The following TXNDC8 variants were observed in gnomAD, a reference collection of about 807,000 sequenced individuals.
The protein encoded by TXNDC8 is thioredoxin domain containing 8.
TXNDC8 carries 15 observed loss-of-function variants against 12.9 expected under a neutral mutation model. The ratio of observed to expected loss-of-function variants is 1.16; its 90% CI spans 0.78 to 1.79. The LOEUF is 1.79. Ranked by LOEUF, TXNDC8 falls within the 40% of genes most tolerant of loss-of-function variation. TXNDC8 has a pLI of 0.00. For synonymous variants in TXNDC8, 40 were observed against 35.4 expected (o/e 1.13, Z -0.46); for missense variants, 128 against 113.2 (o/e 1.13, Z -0.59).
intron 3 of TXNDC8, chr9:110,323,685 TG>T (rs1161253940): frequency 1.5e-5 from 9 of 613,850 alleles, no homozygotes; most frequent in Non-Finnish European, 2.0e-5. Context: ...GAAGAATCTA[TG>T]GGGATAGTGT....
chr9:110,303,414 G>A (rs1395238653), downstream of TXNDC8: 8 of 1,285,126 alleles, frequency 6.2e-6, no homozygotes, highest in East Asian at 9.3e-5. Context: ...CAAAGCATTA[G>A]GAGAGAGACC....
chr9:110,323,638 C>T, intron 3 of TXNDC8: 1 of 358,836 alleles, frequency 2.8e-6, no homozygotes, highest in Non-Finnish European at 4.6e-6. Flanking sequence ...TTTTGGGTTG[C>T]AAGTGACAGA....
At chr9:110,317,322 A>G (rs1302809342) in intron 3 of TXNDC8, among the ~76,000 whole-genome samples, 1 of 152,190 alleles carries the variant, frequency 6.6e-6, no homozygotes, top group Non-Finnish European at 1.5e-5. Context: ...TCAAATGCCC[A>G]GTTTTGAGAA....
intron 3 of TXNDC8, among the ~76,000 whole-genome samples, chr9:110,310,222 T>C (rs1307471398): frequency 1.3e-5 from 2 of 151,626 alleles, no homozygotes. Context: ...TGTGTGTGTG[T>C]GTGCATGTGT....
At chr9:110,326,129 G>A (rs778922934) in intron 3 of TXNDC8, 46 bp downstream of exon 4, 1 of 1,602,852 alleles carries the variant, frequency 6.2e-7, no homozygotes, top group Non-Finnish European at 8.5e-7. Flanking sequence ...GGACTCTGAT[G>A]GTTCTATAAT....
Position 110,337,804 on chromosome 9 carries a change from C to G in TXNDC8, c.-8G>C. ...TTTAATAATCTGTACCATGATTACACCAGGGAAGTGCTGATGAAAATCCCC... is the reference window on the plus strand; with the variant it reads ...TTTAATAATCTGTACCATGATTACAGCAGGGAAGTGCTGATGAAAATCCCC... On this transcript the variant is annotated 5_prime_UTR_variant, in exon 1 of 5. Coordinates refer to ENST00000423740, the MANE Select transcript of TXNDC8 (RefSeq NM_001286946.2). The G allele has an allele frequency of 6.2e-7, 1 of 1,613,654 alleles. No individual in the cohort carries two copies. The highest frequency in any genetic ancestry group is 8.5e-7 in the Non-Finnish European group (1 of 1,179,726).
At chr9:110,331,795 A>G in intron 2 of TXNDC8, among the ~76,000 whole-genome samples, 1 of 152,082 alleles carries the variant, frequency 6.6e-6, no homozygotes, top group Middle Eastern at 3.4e-3. Context: ...TGCTGCCGCT[A>G]ATATAACAGG....
At chr9:110,325,509 T>C (rs1247348730) in intron 3 of TXNDC8, among the ~76,000 whole-genome samples, 1 of 142,046 alleles carries the variant, frequency 7.0e-6, no homozygotes, top group Non-Finnish European at 1.5e-5. Context: ...TAAACTTGTA[T>C]ACACTTTTTT....
Position 110,305,598 on chromosome 9 carries a change from CTTTCTT to C in TXNDC8, c.196-1072_196-1067del, listed in dbSNP as rs1443715233. ...TCTTTCTTTCTTTCTTTCTTTCTTT[CTTTCTT>C]TCTTTCTTTTTCTTCCTTCCTTCCT... On this transcript the variant is annotated intron_variant, in intron 3 of 4. Transcript: ENST00000423740. 7.4e-3 allele frequency among the ~76,000 whole-genome samples: 914 copies of C among 123,876 alleles called. 19 individuals are homozygous for C. Among genetic ancestry groups the C allele is most frequent in the African/African-American group, 0.032 (854 of 26,312 alleles). 81.3% of individuals were successfully genotyped at this position (123,876 alleles called of 152,430 possible). A position where few individuals can be genotyped will look rare whatever the true frequency, so the allele number is the denominator to read the frequency against.
At chr9:110,326,809 A>C (rs1305418743) in intron 2 of TXNDC8, among the ~76,000 whole-genome samples, 2 of 152,140 alleles carry the variant, frequency 1.3e-5, no homozygotes, top group Non-Finnish European at 2.9e-5. Context: ...CTACTTTCAA[A>C]GGTTAGTTTT....
chr9:110,324,938 C>A (rs1391161033), intron 3 of TXNDC8, among the ~76,000 whole-genome samples: 1 of 151,996 alleles, frequency 6.6e-6, no homozygotes, highest in Non-Finnish European at 1.5e-5. Context: ...ATGGTGAAAC[C>A]CCATCTCTAC....
In TXNDC8 at chr9:110,334,292, G is replaced by A. The variant is rs116643527; in HGVS notation, c.53C>T (p.Ala18Val). ...TTGAACCACTGCGAGTTTGTGTCCG[G>A]CAGCTGTCAAAAATGTTTTAAATTC... Residue 18 changes from alanine (A) to valine (V), a missense_variant, in exon 2 of 5, where the codon GCC becomes GTC. Transcript: ENST00000423740. 2.0e-3 allele frequency: 3,205 copies of A among 1,613,618 alleles called. 39 individuals carry two copies. The African/African-American group carries it at 0.037, about 18-fold the overall frequency.
At chr9:110,334,141 A>G in intron 2 of TXNDC8, 75 bp downstream of exon 2, 1 of 1,328,918 alleles carries the variant, frequency 7.5e-7, no homozygotes. Flanking sequence ...CCAAACTTTT[A>G]AGAATTACTG....
At chr9:110,305,183 A>G (rs1052327679) in intron 3 of TXNDC8, among the ~76,000 whole-genome samples, 1 of 148,284 alleles carries the variant, frequency 6.7e-6, no homozygotes, top group Non-Finnish European at 1.5e-5. Context: ...AATATGGTGC[A>G]CTGATTCAAA....
intron 3 of TXNDC8, among the ~76,000 whole-genome samples, chr9:110,310,097 A>G (rs1411897757): frequency 6.6e-6 from 1 of 152,140 alleles, no homozygotes; most frequent in Non-Finnish European, 1.5e-5. Flanking sequence ...TTTATGTAAA[A>G]TGGAAGTAAT....
chr9:110,325,670 G>A (rs1034043900), intron 3 of TXNDC8, among the ~76,000 whole-genome samples: 1 of 151,960 alleles, frequency 6.6e-6, no homozygotes, highest in African/African-American at 2.4e-5. Context: ...ACAGGCGCCC[G>A]CCACCACGCC....
At position 110,337,818 on chromosome 9, in the gene TXNDC8, A is replaced by T; in HGVS notation, c.-22T>A. On this transcript the variant is annotated 5_prime_UTR_variant, in exon 1 of 5. Coordinates refer to ENST00000423740, the MANE Select transcript of TXNDC8 (RefSeq NM_001286946.2). ...CCATGATTACACCAGGGAAGTGCTG[A>T]TGAAAATCCCCTGTTGGTTTAGTTG... is the stretch of plus-strand genomic sequence containing the variant. 3.1e-6 allele frequency: 5 copies of T among 1,613,504 alleles called. No homozygotes were observed. The highest frequency in any genetic ancestry group is 4.2e-6 in the Non-Finnish European group (5 of 1,179,608).
chr9:110,310,536 T>C (rs183655463), intron 3 of TXNDC8, among the ~76,000 whole-genome samples: 2 of 152,212 alleles, frequency 1.3e-5, no homozygotes, highest in Non-Finnish European at 2.9e-5. Context: ...TTATGTGTTA[T>C]GTTACACAAT....
intron 3 of TXNDC8, among the ~76,000 whole-genome samples, chr9:110,315,807 C>G (rs1364280683): frequency 6.7e-6 from 1 of 148,704 alleles, no homozygotes; most frequent in Non-Finnish European, 1.5e-5. Context: ...GCCACTGTGC[C>G]CAGCCACAAG....
Sources: allele counts gnomAD v4.1 joint callset (sites outside exome capture counted in the v4.1 genomes callset), GRCh38; gene constraint gnomAD v4.1.1; transcripts MANE v1.5; gene names NCBI Gene and HGNC (gene_info 2026-07-23, HGNC 2026-07-21).